CCDC178: variants seen among roughly 807,000 people sequenced by gnomAD.
CCDC178 encodes coiled-coil domain-containing protein 178.
CCDC178 carries 126 observed loss-of-function variants against 117.4 expected under a neutral mutation model. The observed-to-expected ratio is 1.07, with a 90% CI of 0.93 to 1.24. CCDC178 has a LOEUF of 1.24. Among genes scored for constraint, CCDC178 ranks in the 50% most tolerant of loss-of-function variants. CCDC178 has a pLI of 0.00. For missense variants in CCDC178, 1,030 were observed against 986.9 expected (o/e 1.04, Z -0.59); for synonymous variants, 283 against 313.4 (o/e 0.90, Z 1.02).
At chr18:33,241,720 A>T (rs2059490564) in intron 15 of CCDC178, among the ~76,000 whole-genome samples, 1 of 151,760 alleles carries the variant, frequency 6.6e-6, no homozygotes, top group South Asian at 2.1e-4. Flanking sequence ...ATTGAAGTGG[A>T]TACAAACAAA....
At chr18:33,059,587 C>T (rs114336179) in intron 21 of CCDC178, among the ~76,000 whole-genome samples, 180 of 152,236 alleles carry the variant, frequency 1.2e-3, no homozygotes, top group African/African-American at 3.7e-3. Flanking sequence ...TTTTATCTTA[C>T]TTCTCACCTC....
intron 21 of CCDC178, among the ~76,000 whole-genome samples, chr18:32,985,336 T>C (rs1282829640): frequency 2.0e-5 from 3 of 151,982 alleles, no homozygotes; most frequent in African/African-American, 7.2e-5. Context: ...CGGGACAGCC[T>C]AAGTGTGGAA....
chr18:33,337,103 A>T (rs1377732570), intron 9 of CCDC178, among the ~76,000 whole-genome samples: 1 of 148,852 alleles, frequency 6.7e-6, no homozygotes, highest in African/African-American at 2.5e-5. Flanking sequence ...TTCCTTGCAG[A>T]GGTCTTTCAC....
intron 20 of CCDC178, among the ~76,000 whole-genome samples, chr18:33,103,513 T>C (rs1032737692): frequency 5.3e-5 from 8 of 151,614 alleles, no homozygotes; most frequent in South Asian, 4.2e-4. Flanking sequence ...ATTTTTATTT[T>C]TCCAGCAGAG....
At chr18:33,379,148 ATAATATATATATTTCCATATATATAATAT>A in intron 5 of CCDC178, among the ~76,000 whole-genome samples, 1 of 143,250 alleles carries the variant, frequency 7.0e-6, no homozygotes, top group Middle Eastern at 3.3e-3. Context: ...CCATATATAT[ATAATATATATATTTCCATATATATAATAT>A]ATATATTTCC....
chr18:33,135,591 C>T (rs1435477391), intron 20 of CCDC178, among the ~76,000 whole-genome samples: 1 of 152,170 alleles, frequency 6.6e-6, no homozygotes, highest in Non-Finnish European at 1.5e-5. Flanking sequence ...CCACCTGTAA[C>T]TGATCTAGTC....
chr18:33,216,102 A>C (rs1388291556), intron 18 of CCDC178, among the ~76,000 whole-genome samples: 2 of 151,984 alleles, frequency 1.3e-5, no homozygotes, highest in Non-Finnish European at 2.9e-5. Context: ...TGTCTCTAAA[A>C]AAACAACTGA....
In CCDC178 at chr18:33,344,274, G is replaced by A. The variant is rs376921208; in HGVS notation, c.658+1937C>T. 6.8e-5 allele frequency among the ~76,000 whole-genome samples: 9 copies of A among 133,288 alleles called. 1 individual carries two copies. The East Asian group carries it at 1.3e-3, about 20-fold the overall frequency. The allele number at this position is 133,288 out of a possible 152,430, so 87.4% of individuals were successfully genotyped here. ...AGCCGAGATTGCGCCACTGCAGTCCGCAGTCCGGCCTGGGCGACAGAGCGA... is the reference window on the plus strand; with the variant it reads ...AGCCGAGATTGCGCCACTGCAGTCCACAGTCCGGCCTGGGCGACAGAGCGA... On this transcript the variant is annotated intron_variant, in intron 9 of 22. Coordinates refer to ENST00000383096, the MANE Select transcript of CCDC178 (RefSeq NM_001105528.4).
intron 11 of CCDC178, among the ~76,000 whole-genome samples, chr18:33,303,673 GT>G (rs61552693): frequency 6.9e-6 from 1 of 145,628 alleles, no homozygotes; most frequent in African/African-American, 2.5e-5. Context: ...ATAAAGTCTA[GT>G]TTTTAAAAAA....
intron 3 of CCDC178, among the ~76,000 whole-genome samples, chr18:33,409,498 T>C (rs1169723348): frequency 6.6e-6 from 1 of 152,238 alleles, no homozygotes; most frequent in East Asian, 1.9e-4. Context: ...AGTGTTATTA[T>C]GCTGAATGTA....
At chr18:33,378,242 C>T (rs955405840) in intron 5 of CCDC178, among the ~76,000 whole-genome samples, 2 of 152,252 alleles carry the variant, frequency 1.3e-5, no homozygotes, top group Admixed American at 6.5e-5. Flanking sequence ...TGGCTTTCAG[C>T]GTGAACATTC....
rs142927761 is a variant in CCDC178 at position 33,415,588 on chromosome 18, C to T, written c.-22-3478G>A. ...ATGGGGGATAGCATTAGGAGATATA[C>T]CTAATGTAAATGACGAGTTAACGGG... On this transcript the variant is annotated intron_variant, in intron 2 of 22. Coordinates refer to ENST00000383096, the MANE Select transcript of CCDC178 (RefSeq NM_001105528.4). 1.0e-2 allele frequency among the ~76,000 whole-genome samples: 1,515 copies of T among 152,048 alleles called. 31 individuals carry two copies. Among genetic ancestry groups the T allele is most frequent in the African/African-American group, 0.035 (1,442 of 41,434 alleles).
chr18:32,949,626 C>T (rs2054435676), intron 22 of CCDC178, among the ~76,000 whole-genome samples: 1 of 152,044 alleles, frequency 6.6e-6, no homozygotes. Flanking sequence ...AATTTATAAA[C>T]ATATGGGATA....
At chr18:33,399,558 C>T (rs1197771871) in intron 3 of CCDC178, among the ~76,000 whole-genome samples, 1 of 152,202 alleles carries the variant, frequency 6.6e-6, no homozygotes, top group East Asian at 1.9e-4. Context: ...AGTATCTTCA[C>T]CAGGAATAGA....
At chr18:33,226,296 A>C (rs1013749551) in intron 16 of CCDC178, among the ~76,000 whole-genome samples, 2 of 152,352 alleles carry the variant, frequency 1.3e-5, no homozygotes, top group South Asian at 4.1e-4. Flanking sequence ...GAAACACGGC[A>C]TGGATCAAAA....
intron 21 of CCDC178, among the ~76,000 whole-genome samples, chr18:33,007,584 T>A (rs1344505025): frequency 6.6e-6 from 1 of 152,048 alleles, no homozygotes; most frequent in Non-Finnish European, 1.5e-5. Flanking sequence ...ATCCTGTCAT[T>A]CCCCTCTAAC....
intron 21 of CCDC178, among the ~76,000 whole-genome samples, chr18:33,011,694 C>G (rs764706500): frequency 1.4e-5 from 2 of 143,680 alleles, no homozygotes; most frequent in Admixed American, 7.3e-5. Context: ...CAAAACAGCT[C>G]CTTGCAAAGA....
At chr18:33,314,200 C>CAAAAAAAAAAA (rs869127341) in intron 11 of CCDC178, among the ~76,000 whole-genome samples, 10 of 62,442 alleles carry the variant, frequency 1.6e-4, no homozygotes, top group East Asian at 8.9e-4. Context: ...GACTCCGTCT[C>CAAAAAAAAAAA]AAAAAAAAAA....
intron 21 of CCDC178, among the ~76,000 whole-genome samples, chr18:33,088,630 T>C (rs911479983): frequency 8.5e-5 from 13 of 152,272 alleles, no homozygotes; most frequent in East Asian, 7.7e-4. Flanking sequence ...TTTTGAATAA[T>C]TGAATGAATG....
Sources: allele counts gnomAD v4.1 joint callset (sites outside exome capture counted in the v4.1 genomes callset), GRCh38; gene constraint gnomAD v4.1.1; transcripts MANE v1.5; gene names NCBI Gene and HGNC (gene_info 2026-07-23, HGNC 2026-07-21).